AFG2A: variants seen among roughly 807,000 people sequenced by gnomAD.
The protein encoded by AFG2A is AAA ATPase AFG2A.
the AFG2A span, among the ~76,000 whole-genome samples, chr4:123,070,399 A>T: frequency 6.6e-6 from 1 of 152,110 alleles, no homozygotes; most frequent in South Asian, 2.1e-4. Context: ...TTGGGCTGTT[A>T]TAACAGCATA....
chr4:123,210,489 G>A, the AFG2A span, among the ~76,000 whole-genome samples: 2 of 152,094 alleles, frequency 1.3e-5, no homozygotes, highest in African/African-American at 4.8e-5. Context: ...TGTCCTCCAG[G>A]GTCATCCATG....
chr4:123,289,403 C>T, the AFG2A span, among the ~76,000 whole-genome samples: 1 of 152,112 alleles, frequency 6.6e-6, no homozygotes, highest in Non-Finnish European at 1.5e-5. Flanking sequence ...TTTTCTCCAT[C>T]CTCTTATTGG....
At chr4:123,163,025 C>CA in the AFG2A span, among the ~76,000 whole-genome samples, 3 of 152,130 alleles carry the variant, frequency 2.0e-5, no homozygotes, top group Admixed American at 2.0e-4. Context: ...AAAGTGGAAA[C>CA]AATGTGGACT....
the AFG2A span, among the ~76,000 whole-genome samples, chr4:123,128,967 T>C: frequency 2.0e-5 from 3 of 152,178 alleles, no homozygotes; most frequent in Admixed American, 2.0e-4. Context: ...AAAAGTATTA[T>C]ATGCTTTTTT....
At chr4:123,105,059 A>G in the AFG2A span, among the ~76,000 whole-genome samples, 1 of 152,222 alleles carries the variant, frequency 6.6e-6, no homozygotes, top group Admixed American at 6.5e-5. Context: ...TTTCATAGCT[A>G]GAGAAGAGAA....
the AFG2A span, among the ~76,000 whole-genome samples, chr4:122,925,744 T>C: frequency 6.6e-6 from 1 of 152,232 alleles, no homozygotes; most frequent in Non-Finnish European, 1.5e-5. Flanking sequence ...GTATTAATCT[T>C]AGTTTATTAT....
the AFG2A span, among the ~76,000 whole-genome samples, chr4:123,067,238 G>T: frequency 1.3e-5 from 2 of 152,088 alleles, no homozygotes; most frequent in East Asian, 3.8e-4. Context: ...AGAAAATGAG[G>T]CTGGGCACGG....
the AFG2A span, among the ~76,000 whole-genome samples, chr4:123,283,697 A>G: frequency 6.6e-6 from 1 of 152,224 alleles, no homozygotes; most frequent in Non-Finnish European, 1.5e-5. Context: ...ATAATACCTC[A>G]TGACACATGA....
At chr4:123,128,016 T>C in the AFG2A span, among the ~76,000 whole-genome samples, 3 of 152,304 alleles carry the variant, frequency 2.0e-5, no homozygotes, top group African/African-American at 7.2e-5. Context: ...TTTCCTGTTT[T>C]GTGTTCACAA....
the AFG2A span, among the ~76,000 whole-genome samples, chr4:123,310,222 G>C: frequency 3.9e-5 from 6 of 152,212 alleles, no homozygotes; most frequent in Admixed American, 3.9e-4. Flanking sequence ...TGCATCAGCT[G>C]CTTGTGGATT....
At chr4:123,123,483 T>C in the AFG2A span, among the ~76,000 whole-genome samples, 277 of 152,280 alleles carry the variant, frequency 1.8e-3, 1 homozygote, top group Non-Finnish European at 3.0e-3. Flanking sequence ...TAACATCTCA[T>C]ATCAATTTTT....
At chr4:123,251,727 G>A in the AFG2A span, among the ~76,000 whole-genome samples, 1,267 of 152,034 alleles carry the variant, frequency 8.3e-3, 4 homozygotes, top group Non-Finnish European at 0.014. Context: ...TTTGTTTTAG[G>A]TAGAAAGAAG....
chr4:123,017,489 A>G, the AFG2A span, among the ~76,000 whole-genome samples: 1 of 115,770 alleles, frequency 8.6e-6, no homozygotes, highest in East Asian at 2.3e-4. Context: ...ACTTATTTTC[A>G]TTTAGATCTA....
At chr4:123,151,969 C>T in the AFG2A span, among the ~76,000 whole-genome samples, 1 of 152,152 alleles carries the variant, frequency 6.6e-6, no homozygotes, top group Non-Finnish European at 1.5e-5. Flanking sequence ...GAGTTCATGT[C>T]CTTTGTAGGG....
the AFG2A span, among the ~76,000 whole-genome samples, chr4:123,024,749 TGTC>T: frequency 6.6e-6 from 1 of 152,216 alleles, no homozygotes; most frequent in South Asian, 2.1e-4. Context: ...GAATGCTTGA[TGTC>T]ATCGAGCACC....
chr4:122,954,714 C>A, the AFG2A span, among the ~76,000 whole-genome samples: 2 of 152,220 alleles, frequency 1.3e-5, no homozygotes, highest in African/African-American at 4.8e-5. Context: ...CTATAACAGA[C>A]AACCCCTGGC....
chr4:123,227,124 G>A, the AFG2A span, among the ~76,000 whole-genome samples: 1 of 152,134 alleles, frequency 6.6e-6, no homozygotes, highest in East Asian at 1.9e-4. Flanking sequence ...AGTCTTGCTA[G>A]CGGTCTATCA....
At chr4:123,112,516 T>C in the AFG2A span, among the ~76,000 whole-genome samples, 2 of 152,230 alleles carry the variant, frequency 1.3e-5, no homozygotes, top group Admixed American at 1.3e-4. Context: ...TTTTAACATA[T>C]CACATTTGAG....
the AFG2A span, among the ~76,000 whole-genome samples, chr4:123,217,623 TTG>T: frequency 6.6e-6 from 1 of 152,182 alleles, no homozygotes; most frequent in Non-Finnish European, 1.5e-5. Context: ...AGTTAGTGAC[TTG>T]TGTCATACCC....
Sources: allele counts gnomAD v4.1 joint callset (sites outside exome capture counted in the v4.1 genomes callset), GRCh38; gene constraint gnomAD v4.1.1; transcripts MANE v1.5; gene names NCBI Gene and HGNC (gene_info 2026-07-23, HGNC 2026-07-21).